The following PDE5A variants were observed in gnomAD, a reference collection of about 807,000 sequenced individuals.
The protein encoded by PDE5A is phosphodiesterase 5A.
A neutral mutation model predicts 110.2 loss-of-function variants in PDE5A; 67 were observed. That is an observed-to-expected ratio of 0.61 (90% CI 0.50 to 0.75). The LOEUF (loss-of-function observed/expected upper bound fraction) is 0.75, where lower values mean the gene tolerates loss of function less well. Among genes scored for constraint, PDE5A ranks in the 30% least tolerant of loss-of-function variants. PDE5A has a pLI of 0.00. For missense variants in PDE5A, 862 were observed against 1,045.1 expected (o/e 0.82, Z 2.42); for synonymous variants, 328 against 351.2 (o/e 0.93, Z 0.74).
intron 18 of PDE5A, 122 bp downstream of exon 18, chr4:119,504,414 C>T: frequency 1.5e-6 from 1 of 687,630 alleles, no homozygotes; most frequent in East Asian, 2.7e-5. Context: ...CTGTGATGAA[C>T]ATATAAGTGT....
intron 3 of PDE5A, among the ~76,000 whole-genome samples, chr4:119,587,288 C>A (rs1457568802): frequency 1.3e-5 from 2 of 151,568 alleles, no homozygotes; most frequent in Non-Finnish European, 2.9e-5. Flanking sequence ...CTGCAACCTC[C>A]ACCTCCCTGG....
rs1168622108 is a variant in PDE5A, at chr4:119,523,597, G to A, written c.1779+1952C>T. 3.9e-5 allele frequency among the ~76,000 whole-genome samples: 6 copies of A among 152,028 alleles called. No homozygotes were observed. The South Asian group carries it at 1.0e-3, about 26-fold the overall frequency. ...GTTATTCAACCAGAAAAGGTAGGAT[G>A]ATGAATCAGACATTAAGAGGAAATA... On this transcript the variant is annotated intron_variant, in intron 12 of 20. Coordinates refer to ENST00000354960, the MANE Select transcript of PDE5A (RefSeq NM_001083.4).
chr4:119,596,573 A>G lies in PDE5A; in HGVS notation c.781T>C (p.Tyr261His). ...ATACAAAGAATGCTTTGTGTCTTGTAGCCTGTAATTTGGTCAACTTCTGCA... is the reference window on the plus strand; with the variant it reads ...ATACAAAGAATGCTTTGTGTCTTGTGGCCTGTAATTTGGTCAACTTCTGCA... Reference protein sequence around the residue: ...FNAEVDQITGYKTQSILCMPI... With the variant: ...FNAEVDQITGHKTQSILCMPI... The change falls in exon 3 of 21, where the codon TAC becomes CAC. Residue 261 changes from tyrosine to histidine, a missense_variant. Transcript: ENST00000354960. 6.2e-7 allele frequency: 1 copy of G among 1,603,858 alleles called. No homozygotes were observed. Among genetic ancestry groups the G allele is most frequent in the Non-Finnish European group, 8.5e-7 (1 of 1,174,982 alleles).
chr4:119,531,128 A>T (rs1726519281), intron 11 of PDE5A, among the ~76,000 whole-genome samples: 2 of 152,132 alleles, frequency 1.3e-5, no homozygotes, highest in Admixed American at 1.3e-4. Flanking sequence ...TGAATTCCAG[A>T]TTGTTCCCCA....
In PDE5A at chr4:119,574,055, A is replaced by C. The variant is rs112991959; in HGVS notation, c.832-6911T>G. Among the ~76,000 whole-genome samples, 877 of 152,162 alleles carry C rather than the reference A, an allele frequency of 5.8e-3. 13 individuals carry two copies. The highest frequency in any genetic ancestry group is 0.019 in the African/African-American group (805 of 41,500). On this transcript the variant is annotated intron_variant, in intron 3 of 20. Coordinates refer to ENST00000354960, the MANE Select transcript of PDE5A (RefSeq NM_001083.4). ...CACAGAGCAATCTGATGTTCAGAAA[A>C]CTTACATAACTAGTTCAAGAATATG...
At chr4:119,575,538 T>G (rs2110516139) in intron 3 of PDE5A, among the ~76,000 whole-genome samples, 1 of 152,214 alleles carries the variant, frequency 6.6e-6, no homozygotes, top group East Asian at 1.9e-4. Flanking sequence ...TATTCAACAT[T>G]CTTAAAGAAA....
At chr4:119,588,645 A>T (rs1728858570) in intron 3 of PDE5A, among the ~76,000 whole-genome samples, 1 of 152,068 alleles carries the variant, frequency 6.6e-6, no homozygotes. Context: ...CAATCATAAA[A>T]CTTAAATTCT....
At chr4:119,625,184 G>A (rs1449716786) in intron 1 of PDE5A, among the ~76,000 whole-genome samples, 7 of 151,970 alleles carry the variant, frequency 4.6e-5, no homozygotes, top group South Asian at 2.1e-4. Context: ...TAGTAGAGAC[G>A]GGGTTTCACC....
intron 2 of PDE5A, among the ~76,000 whole-genome samples, 155 bp downstream of exon 2, chr4:119,606,554 T>C (rs1161358913): frequency 2.0e-5 from 3 of 152,202 alleles, no homozygotes; most frequent in Non-Finnish European, 2.9e-5. Context: ...ATTCTTAGCA[T>C]ACATTCCAGT....
intron 1 of PDE5A, among the ~76,000 whole-genome samples, chr4:119,616,704 G>A (rs1450873155): frequency 6.7e-6 from 1 of 149,514 alleles, no homozygotes; most frequent in Non-Finnish European, 1.5e-5. Context: ...TGTGTCTTTA[G>A]TAATACAAAG....
At chr4:119,607,328 T>C (rs202163061) in intron 1 of PDE5A, 31 bp from the exon 2 acceptor site, 60 of 1,444,470 alleles carry the variant, frequency 4.2e-5, no homozygotes, top group Non-Finnish European at 5.2e-5. Context: ...ACACATTAGA[T>C]ACTTGAAGAG....
intron 2 of PDE5A, among the ~76,000 whole-genome samples, chr4:119,606,064 C>T (rs1729516912): frequency 6.6e-6 from 1 of 152,204 alleles, no homozygotes; most frequent in Admixed American, 6.5e-5. Flanking sequence ...AAGAATCTTA[C>T]AGTGTAACCT....
intron 9 of PDE5A, among the ~76,000 whole-genome samples, chr4:119,551,277 T>C (rs535448689): frequency 2.0e-5 from 3 of 152,306 alleles, no homozygotes; most frequent in Admixed American, 6.5e-5. Context: ...CAAGTCCAGT[T>C]CATACAATAA....
chr4:119,623,690 G>A (rs1265767602), intron 1 of PDE5A, among the ~76,000 whole-genome samples: 2 of 152,092 alleles, frequency 1.3e-5, no homozygotes, highest in African/African-American at 4.8e-5. Flanking sequence ...TGGTTGCATA[G>A]CATAATCAAA....
At chr4:119,510,194 G>A in intron 15 of PDE5A, among the ~76,000 whole-genome samples, 1 of 151,954 alleles carries the variant, frequency 6.6e-6, no homozygotes, top group Non-Finnish European at 1.5e-5. Flanking sequence ...TCTGAGTTGA[G>A]AACTCTATAC....
intron 9 of PDE5A, chr4:119,548,952 T>C (rs1727238907): frequency 6.6e-6 from 1 of 152,166 alleles, no homozygotes; most frequent in African/African-American, 2.4e-5. Context: ...AATAGTGATA[T>C]TGCCAAGTGA....
At chr4:119,551,605 T>C (rs1309129933) in intron 9 of PDE5A, among the ~76,000 whole-genome samples, 1 of 152,226 alleles carries the variant, frequency 6.6e-6, no homozygotes, top group Non-Finnish European at 1.5e-5. Context: ...TACAACTCTC[T>C]ACATCCATCT....
chr4:119,599,505 T>C (rs1729266690), intron 2 of PDE5A, among the ~76,000 whole-genome samples: 1 of 151,814 alleles, frequency 6.6e-6, no homozygotes, highest in South Asian at 2.1e-4. Context: ...ATTAAAATAG[T>C]CAAATGAAAA....
chr4:119,522,992 A>G (rs1270604752), intron 12 of PDE5A, among the ~76,000 whole-genome samples: 1 of 152,114 alleles, frequency 6.6e-6, no homozygotes, highest in Non-Finnish European at 1.5e-5. Flanking sequence ...TCCTGCTTCA[A>G]GAAACTCAAT....
Sources: gnomAD v4.1 joint callset for allele counts (sites outside exome capture counted in the v4.1 genomes callset) on GRCh38, gnomAD v4.1.1 for gene constraint, MANE v1.5 for transcripts, NCBI Gene and HGNC (gene_info 2026-07-23, HGNC 2026-07-21) for gene names.